Variants in HYDIN observed in about 807,000 individuals in gnomAD.
HYDIN encodes HYDIN axonemal central pair apparatus protein.
In HYDIN, 132 loss-of-function variants were observed where a neutral mutation model predicts 403.9. The ratio of observed to expected loss-of-function variants is 0.33; its 90% CI spans 0.28 to 0.38. The LOEUF (loss-of-function observed/expected upper bound fraction) is 0.38, where lower values mean the gene tolerates loss of function less well. HYDIN is among the 10% of genes least tolerant of loss of function. The pLI, the probability that HYDIN is intolerant of heterozygous loss-of-function variation, is 1.00. For synonymous variants in HYDIN, 1,202 were observed against 1,891.7 expected (o/e 0.64, Z 9.46); for missense variants, 2,827 against 5,009.5 (o/e 0.56, Z 13.15).
chr16:70,834,763 A>C (rs181358519), intron 78 of HYDIN, among the ~76,000 whole-genome samples: 148 of 151,734 alleles, frequency 9.8e-4, no homozygotes, highest in Middle Eastern at 3.4e-3. Flanking sequence ...CAGGAGAATC[A>C]CTTGAACCCA....
chr16:71,035,964 T>C (rs1284126552), intron 18 of HYDIN, among the ~76,000 whole-genome samples: 4 of 150,276 alleles, frequency 2.7e-5, no homozygotes, highest in African/African-American at 7.3e-5. Context: ...ACTGAGTCAA[T>C]GCAGCCTAAC....
At chr16:70,864,239 G>A (rs1460909623) in intron 67 of HYDIN, among the ~76,000 whole-genome samples, 3 of 126,212 alleles carry the variant, frequency 2.4e-5, no homozygotes, top group Non-Finnish European at 5.0e-5. Flanking sequence ...GCTAAGGCAG[G>A]AGAATCACTT....
chr16:71,180,209 C>A (rs1838425010), intron 3 of HYDIN, among the ~76,000 whole-genome samples: 1 of 151,060 alleles, frequency 6.6e-6, no homozygotes, highest in Non-Finnish European at 1.5e-5. Context: ...ACAATAGAAC[C>A]CAAATTCAGT....
At chr16:71,223,233 C>G (rs1161963091) in intron 1 of HYDIN, among the ~76,000 whole-genome samples, 1 of 152,116 alleles carries the variant, frequency 6.6e-6, no homozygotes, top group African/African-American at 2.4e-5. Flanking sequence ...AAAGGACACC[C>G]TATGCAATAA....
intron 30 of HYDIN, among the ~76,000 whole-genome samples, chr16:70,976,968 T>C (rs1597454924): frequency 6.6e-6 from 1 of 152,018 alleles, no homozygotes; most frequent in Non-Finnish European, 1.5e-5. Flanking sequence ...TTCCCAGTTG[T>C]CTGGATTCTA....
At chr16:70,835,030 T>G (rs1002539585) in intron 78 of HYDIN, among the ~76,000 whole-genome samples, 1 of 146,092 alleles carries the variant, frequency 6.8e-6, no homozygotes, top group Non-Finnish European at 1.5e-5. Flanking sequence ...ATATATGTTT[T>G]TTTTTTTTTT....
intron 43 of HYDIN, chr16:70,941,396 A>T: frequency 3.1e-6 from 1 of 323,412 alleles, no homozygotes; most frequent in Non-Finnish European, 5.6e-6. Context: ...TGGGACCCGT[A>T]ATGGCTGTAA....
intron 12 of HYDIN, among the ~76,000 whole-genome samples, chr16:71,085,932 GTTGT>G (rs1358106780): frequency 4.0e-5 from 6 of 151,894 alleles, no homozygotes; most frequent in African/African-American, 1.4e-4. Context: ...TTTTGGCGGG[GTTGT>G]TTGTTTTGTT....
intron 1 of HYDIN, among the ~76,000 whole-genome samples, chr16:71,195,777 C>T (rs1210277276): frequency 6.6e-6 from 1 of 152,134 alleles, no homozygotes; most frequent in Non-Finnish European, 1.5e-5. Context: ...AAGACAGATT[C>T]CATTAAGAAT....
At chr16:70,932,802 C>T (rs1223874198) in intron 45 of HYDIN, among the ~76,000 whole-genome samples, 3 of 152,164 alleles carry the variant, frequency 2.0e-5, no homozygotes, top group Non-Finnish European at 2.9e-5. Flanking sequence ...CAGTTGTTCA[C>T]CCATCGAATC....
Position 71,006,091 on chromosome 16 carries a change from A to G in HYDIN, c.3644+12038T>C, listed in dbSNP as rs201106408. Among the ~76,000 whole-genome samples, 237 of 148,924 alleles carry G rather than the reference A, an allele frequency of 1.6e-3. 2 individuals carry two copies. In the East Asian group the frequency reaches 0.039, roughly 24 times the overall value. On this transcript the variant is annotated intron_variant, in intron 23 of 85. Transcript: ENST00000393567. ...GACAGTGAACCAAACTGTAGGAATG[A>G]TGTCTAGAAGAAAAAACAATTCCAC...
chr16:70,875,943 G>A (rs950360053), intron 62 of HYDIN, among the ~76,000 whole-genome samples: 11 of 152,160 alleles, frequency 7.2e-5, no homozygotes, highest in African/African-American at 2.4e-4. Flanking sequence ...TAATGGAAAC[G>A]ATGCAGGGTA....
At chr16:71,185,749 TC>T (rs2087117686) in intron 2 of HYDIN, among the ~76,000 whole-genome samples, 1 of 152,210 alleles carries the variant, frequency 6.6e-6, no homozygotes, top group African/African-American at 2.4e-5. Context: ...TCTAGAATGT[TC>T]CTACTATATG....
chr16:71,185,903 T>C (rs1346239085), intron 2 of HYDIN, among the ~76,000 whole-genome samples: 1 of 152,226 alleles, frequency 6.6e-6, no homozygotes, highest in Non-Finnish European at 1.5e-5. Context: ...CTTATTTTTC[T>C]ACAAATTTTA....
rs575825000 is a variant in HYDIN at position 71,064,647 on chromosome 16, T to G, written c.2211+58A>C. ...GGCACTTCAGAGGGATTTCTCTTTC[T>G]CATCAAGGGAACTCAATGGAAGAAT... On this transcript the variant is annotated intron_variant, in intron 16 of 85. Coordinates refer to ENST00000393567, the MANE Select transcript of HYDIN (RefSeq NM_001270974.2). 34 of 1,489,640 alleles carry G rather than the reference T, an allele frequency of 2.3e-5. No individual in the cohort carries two copies. The East Asian group carries it at 7.5e-4, about 33-fold the overall frequency. 92.3% of individuals were successfully genotyped at this position (1,489,640 alleles called of 1,614,324 possible). A position where few individuals can be genotyped will look rare whatever the true frequency, so the allele number is the denominator to read the frequency against.
At chr16:71,172,725 G>C (rs2086517436) in intron 5 of HYDIN, among the ~76,000 whole-genome samples, 1 of 152,120 alleles carries the variant, frequency 6.6e-6, no homozygotes, top group African/African-American at 2.4e-5. Context: ...AAAGAGGGCT[G>C]GCTTAACTGT....
intron 71 of HYDIN, 44 bp downstream of exon 71, chr16:70,860,024 G>C (rs573874035): frequency 3.8e-6 from 6 of 1,562,124 alleles, no homozygotes; most frequent in East Asian, 4.5e-5. Flanking sequence ...GCAATGGCTA[G>C]AGTGATCTAA....
chr16:71,169,242 G>A lies in HYDIN; in HGVS notation c.516+6365C>T, dbSNP rs1243840056. On this transcript the variant is annotated intron_variant, in intron 5 of 85. Transcript: ENST00000393567. ...GGAGTTCGAGACCAGCCTGGACAAC[G>A]TGGAGAAACCCCATCTCTACCAAAA... 2.6e-5 allele frequency among the ~76,000 whole-genome samples: 4 copies of A among 152,016 alleles called. No homozygotes were observed. In the South Asian group the frequency reaches 6.2e-4, roughly 24 times the overall value.
At chr16:71,165,115 A>T (rs2086160845) in intron 5 of HYDIN, among the ~76,000 whole-genome samples, 1 of 151,304 alleles carries the variant, frequency 6.6e-6, no homozygotes, top group Non-Finnish European at 1.5e-5. Context: ...CAAGGGTCAG[A>T]GGGACCCAGT....
Sources: allele counts gnomAD v4.1 joint callset (sites outside exome capture counted in the v4.1 genomes callset), GRCh38; gene constraint gnomAD v4.1.1; transcripts MANE v1.5; gene names NCBI Gene and HGNC (gene_info 2026-07-23, HGNC 2026-07-21).